Variants in AP1AR observed in about 807,000 individuals in gnomAD.
AP1AR encodes AP-1 complex-associated regulatory protein.
AP1AR carries 29 observed loss-of-function variants against 46.3 expected under a neutral mutation model. The ratio of observed to expected loss-of-function variants is 0.63; its 90% CI spans 0.47 to 0.85. The LOEUF is 0.85. Ranked by LOEUF, AP1AR falls within the 40% of genes least tolerant of loss-of-function variation. The pLI, the probability that AP1AR is intolerant of heterozygous loss-of-function variation, is 0.00. For missense variants in AP1AR, 357 were observed against 356.3 expected (o/e 1.00, Z -0.02); for synonymous variants, 122 against 122.9 (o/e 0.99, Z 0.05).
chr4:112,253,895 T>G (rs1407541288), intron 2 of AP1AR, among the ~76,000 whole-genome samples: 1 of 152,208 alleles, frequency 6.6e-6, no homozygotes, highest in Non-Finnish European at 1.5e-5. Context: ...CTGTACTTTA[T>G]GGCCTTCTAT....
Position 112,268,311 on chromosome 4 carries a change from G to A in AP1AR, c.811G>A (p.Asp271Asn). 1.9e-6 allele frequency: 3 copies of A among 1,613,236 alleles called. No homozygotes were observed. The highest frequency in any genetic ancestry group is 2.5e-6 in the Non-Finnish European group (3 of 1,179,390). The change falls in exon 10 of 10, where the codon GAT becomes AAT. Residue 271 changes from aspartate to asparagine, a missense_variant. By Grantham distance (23) the Asp-to-Asn change is conservative. This residue lies in a region of AP1AR where 88 missense variants were observed against 132.7 expected (regional missense o/e 0.66). Transcript: ENST00000274000. ...ENDFVSAEMD[D>N]NGNSEYSGFV... is the part of the protein sequence containing the mutation. ...TGATTTTGTTAGTGCCGAAATGGAT[G>A]ATAATGGAAATTCCGAGTATTCTGG... is the stretch of plus-strand genomic sequence containing the variant.
intron 5 of AP1AR, among the ~76,000 whole-genome samples, chr4:112,261,709 C>G (rs1726449364): frequency 6.6e-6 from 1 of 151,920 alleles, no homozygotes; most frequent in African/African-American, 2.4e-5. Context: ...TTTGGGAGAC[C>G]TGTAGTTCCA....
intron 1 of AP1AR, among the ~76,000 whole-genome samples, chr4:112,232,740 C>A (rs975741729): frequency 1.3e-5 from 2 of 152,142 alleles, no homozygotes; most frequent in Admixed American, 6.5e-5. Context: ...CATTCAGATT[C>A]TTGGTGCTCA....
chr4:112,253,796 C>T (rs72894929), intron 2 of AP1AR, among the ~76,000 whole-genome samples: 16,073 of 152,180 alleles, frequency 0.11, 877 homozygotes, highest in Middle Eastern at 0.14. Context: ...GAGGCTTAGA[C>T]AGGTGGAGAA....
chr4:112,252,430 GAA>G (rs1331136516), intron 1 of AP1AR, among the ~76,000 whole-genome samples: 2 of 152,204 alleles, frequency 1.3e-5, no homozygotes, highest in African/African-American at 4.8e-5. Flanking sequence ...CATTATGACT[GAA>G]AGTCCCGTAA....
At chr4:112,263,130 C>T in intron 6 of AP1AR, 44 bp downstream of exon 6, 1 of 1,453,256 alleles carries the variant, frequency 6.9e-7, no homozygotes, top group Non-Finnish European at 9.5e-7. Context: ...TGCTTTTCTC[C>T]TTATTTTCTC....
Position 112,264,979 on chromosome 4 carries a change from GA to G in AP1AR, c.382-29del, listed in dbSNP as rs760852547. The G allele has an allele frequency of 1.5e-5, 23 of 1,555,130 alleles. No homozygotes were observed. The African/African-American group carries it at 1.7e-4, about 11-fold the overall frequency. On this transcript the variant is annotated intron_variant, in intron 6 of 9. Coordinates refer to ENST00000274000, the MANE Select transcript of AP1AR (RefSeq NM_018569.6). ...AAAATATATAATTTTACAACAGAGT[GA>G]TTTTTTTTATTACATTATGTTTCCA...
At chr4:112,265,829 C>A in intron 8 of AP1AR, 22 bp downstream of exon 8, 1 of 1,508,288 alleles carries the variant, frequency 6.6e-7, no homozygotes, top group Non-Finnish European at 9.2e-7. Context: ...AAAGTATTTT[C>A]TGTACTTTTT....
chr4:112,270,626 G>A lies in AP1AR; in HGVS notation c.*2217G>A, dbSNP rs1215319041. On this transcript the variant is annotated 3_prime_UTR_variant, in exon 10 of 10. Transcript: ENST00000274000. ...TCAAGTAAAACCTGGTATGAAGCAT[G>A]TTATAAGCAAAGGGAACGGCAAGTA... is the stretch of plus-strand genomic sequence containing the variant. Among the ~76,000 whole-genome samples the A allele has an allele frequency of 6.6e-6, 1 of 152,196 alleles. No homozygotes were observed. Among genetic ancestry groups the A allele is most frequent in the Non-Finnish European group, 1.5e-5 (1 of 68,038 alleles).
At chr4:112,238,616 AT>A (rs1261129151) in intron 1 of AP1AR, among the ~76,000 whole-genome samples, 2 of 152,162 alleles carry the variant, frequency 1.3e-5, no homozygotes, top group Admixed American at 1.3e-4. Context: ...ATGGATATGG[AT>A]TTTTTAAACA....
chr4:112,270,268 G>C lies in AP1AR; in HGVS notation c.*1859G>C, dbSNP rs1412877353. 1.3e-5 allele frequency among the ~76,000 whole-genome samples: 2 copies of C among 152,142 alleles called. No homozygotes were observed. The highest frequency in any genetic ancestry group is 4.8e-5 in the African/African-American group (2 of 41,424). Reference sequence around the variant, plus strand: ...GAAATAACTTATTCAGCAAATATTGGAATAGTATTTAATATTATTGGAACT... The same window carrying C: ...GAAATAACTTATTCAGCAAATATTGCAATAGTATTTAATATTATTGGAACT... On this transcript the variant is annotated 3_prime_UTR_variant, in exon 10 of 10. Coordinates refer to ENST00000274000, the MANE Select transcript of AP1AR (RefSeq NM_018569.6).
chr4:112,242,520 G>T (rs561672647), intron 1 of AP1AR, among the ~76,000 whole-genome samples: 127 of 152,262 alleles, frequency 8.3e-4, no homozygotes, highest in African/African-American at 3.0e-3. Flanking sequence ...ATCTGCATCT[G>T]GTAAGGTGCA....
At chr4:112,255,211 G>A (rs1318647243) in intron 3 of AP1AR, among the ~76,000 whole-genome samples, 2 of 151,978 alleles carry the variant, frequency 1.3e-5, no homozygotes, top group African/African-American at 2.4e-5. Flanking sequence ...CGCCAGCCTC[G>A]GCCTCCCAAA....
At chr4:112,249,370 A>AAAG (rs78155948) in intron 1 of AP1AR, among the ~76,000 whole-genome samples, 1 of 150,602 alleles carries the variant, frequency 6.6e-6, no homozygotes, top group African/African-American at 2.5e-5. Flanking sequence ...AAAAAAAAAA[A>AAAG]ATGTATAGGC....
intron 3 of AP1AR, among the ~76,000 whole-genome samples, chr4:112,257,318 T>C (rs867899555): frequency 3.3e-5 from 5 of 152,214 alleles, no homozygotes; most frequent in African/African-American, 1.2e-4. Flanking sequence ...ATGCCTGTCC[T>C]TGAATGACCA....
chr4:112,269,965 T>G lies in AP1AR; in HGVS notation c.*1556T>G, dbSNP rs747679086. ...AGCTACGATTGTAATTTTTCTTGGCTTTTTGTTCATAAAGAATTTTTTGAA... is the reference window on the plus strand; with the variant it reads ...AGCTACGATTGTAATTTTTCTTGGCGTTTTGTTCATAAAGAATTTTTTGAA... On this transcript the variant is annotated 3_prime_UTR_variant, in exon 10 of 10. Coordinates refer to ENST00000274000, the MANE Select transcript of AP1AR (RefSeq NM_018569.6). The G allele has an allele frequency of 2.6e-5, 4 of 152,586 alleles. No individual in the cohort carries two copies. The highest frequency in any genetic ancestry group is 9.6e-5 in the African/African-American group (4 of 41,466). The allele number at this position is 152,586 out of a possible 1,614,324, so 9.5% of individuals were successfully genotyped here.
Position 112,271,146 on chromosome 4 carries a change from G to C in AP1AR, c.*2737G>C, listed in dbSNP as rs762169781. 6.6e-6 allele frequency among the ~76,000 whole-genome samples: 1 copy of C among 152,176 alleles called. No individual in the cohort carries two copies. The highest frequency in any genetic ancestry group is 1.5e-5 in the Non-Finnish European group (1 of 68,036). On this transcript the variant is annotated 3_prime_UTR_variant, in exon 10 of 10. Coordinates refer to ENST00000274000, the MANE Select transcript of AP1AR (RefSeq NM_018569.6). The stretch of plus-strand genomic sequence containing the variant: ...ACCTTGCTCACTGCACATAGTCCAC[G>C]TAGGCAAAACTCAACCACAGTCTGA...
chr4:112,252,564 T>C (rs1726004779), intron 1 of AP1AR, among the ~76,000 whole-genome samples: 1 of 152,240 alleles, frequency 6.6e-6, no homozygotes, highest in Non-Finnish European at 1.5e-5. Flanking sequence ...AGATTCCTAT[T>C]TGACTACATA....
At position 112,244,661 on chromosome 4, in the gene AP1AR, G is replaced by A. The variant is rs145496945; in HGVS notation, c.84-8547G>A. On this transcript the variant is annotated intron_variant, in intron 1 of 9. Coordinates refer to ENST00000274000, the MANE Select transcript of AP1AR (RefSeq NM_018569.6). The stretch of plus-strand genomic sequence containing the variant: ...TCCCAAAGGTGTGCAGTAGTCTCCT[G>A]TCAGTAATAATGCAGTGTTATATTG... Among the ~76,000 whole-genome samples, 1,147 of 152,146 alleles carry A rather than the reference G, an allele frequency of 7.5e-3. 9 individuals carry two copies. The highest frequency in any genetic ancestry group is 0.013 in the Non-Finnish European group (853 of 67,970).
Sources: gnomAD v4.1 joint callset for allele counts (sites outside exome capture counted in the v4.1 genomes callset) on GRCh38, gnomAD v4.1.1 for gene constraint, gnomAD v4.1.1 regional missense constraint, MANE v1.5 for transcripts, NCBI Gene and HGNC (gene_info 2026-07-23, HGNC 2026-07-21) for gene names.